Variants in SEPTIN9 observed in about 807,000 individuals in gnomAD.
SEPTIN9 encodes the protein septin-9.
Under a neutral mutation model 56.6 loss-of-function variants are expected in SEPTIN9, and 13 were observed. That is an observed-to-expected ratio of 0.23 (90% CI 0.15 to 0.37). The LOEUF is 0.37. SEPTIN9 is among the 10% of genes least tolerant of loss of function. SEPTIN9 has a pLI of 1.00. For missense variants in SEPTIN9, 650 were observed against 823.1 expected (o/e 0.79, Z 2.57); for synonymous variants, 332 against 334.1 (o/e 0.99, Z 0.07).
intron 2 of SEPTIN9, among the ~76,000 whole-genome samples, chr17:77,334,299 G>C (rs1036167377): frequency 6.6e-6 from 1 of 151,962 alleles, no homozygotes; most frequent in Non-Finnish European, 1.5e-5. Context: ...GCGGGCGCCT[G>C]TAGTCCCAGA....
In SEPTIN9 at chr17:77,402,286, G is replaced by A; in HGVS notation, c.304G>A (p.Glu102Lys). The A allele has an allele frequency of 6.2e-7, 1 of 1,612,372 alleles. No homozygotes were observed. The highest frequency in any genetic ancestry group is 8.5e-7 in the Non-Finnish European group (1 of 1,179,748). Residue 102 changes from glutamate (E) to lysine (K), a missense_variant, in exon 3 of 12, where the codon GAG (glutamate) becomes AAG (lysine). This residue lies in a region of SEPTIN9 where 317 missense variants were observed against 329.1 expected (regional missense o/e 0.96). Transcript: ENST00000427177. The surrounding 1 kb of genome is among the most constrained non-coding windows in gnomAD (Gnocchi z 6.6). ...RVELSGPKAA[E>K]PVSRRTELSI... is the part of the protein sequence containing the mutation. ...GGAGCTCTCGGGCCCCAAGGCGGCC[G>A]AGCCGGTGTCCCGGCGCACTGAGCT...
chr17:77,281,810 C>T (rs1166926156), intron 1 of SEPTIN9: 12 of 492,856 alleles, frequency 2.4e-5, no homozygotes, highest in Non-Finnish European at 3.6e-5. Flanking sequence ...CCCTCTTCCT[C>T]GCCCCTTGCA....
chr17:77,287,722 T>C lies in SEPTIN9; in HGVS notation c.19+6168T>C, dbSNP rs566836540. 6.6e-5 allele frequency among the ~76,000 whole-genome samples: 10 copies of C among 152,296 alleles called. No homozygotes were observed. The South Asian group carries it at 2.1e-3, about 32-fold the overall frequency. On this transcript the variant is annotated intron_variant, in intron 1 of 11. Transcript: ENST00000427177. ...CTGTTGCTGGCAGAGGAGGGGCGGC[T>C]CCTGGGCACTGCTTGCCAATGGCCT...
At chr17:77,477,332 A>G (rs1159796298) in intron 3 of SEPTIN9, among the ~76,000 whole-genome samples, 3 of 152,164 alleles carry the variant, frequency 2.0e-5, no homozygotes, top group South Asian at 2.1e-4. Flanking sequence ...GCCCCTGGAA[A>G]TCACCAATCT....
At chr17:77,311,137 G>A (rs915110849) in intron 2 of SEPTIN9, among the ~76,000 whole-genome samples, 6 of 152,086 alleles carry the variant, frequency 3.9e-5, no homozygotes, top group East Asian at 1.9e-4. Context: ...CAGACACACC[G>A]GGGAGAGCCA....
At chr17:77,490,977 A>G in intron 8 of SEPTIN9, 118 bp downstream of exon 8, 1 of 825,964 alleles carries the variant, frequency 1.2e-6, no homozygotes, top group South Asian at 1.5e-5. Context: ...ACCGCTGGTC[A>G]CTCTCCCCAG....
intron 3 of SEPTIN9, among the ~76,000 whole-genome samples, chr17:77,403,818 G>T (rs541222538): frequency 1.3e-5 from 2 of 152,174 alleles, no homozygotes; most frequent in Admixed American, 6.5e-5. Flanking sequence ...TGCAGTGTAC[G>T]TTTCAGCGGC....
In SEPTIN9 at chr17:77,445,005, A is replaced by T. The variant is rs1341090580; in HGVS notation, c.722-37139A>T. The T allele has an allele frequency of 5.4e-6, 2 of 371,630 alleles. No individual in the cohort carries two copies. The highest frequency in any genetic ancestry group is 4.3e-5 in the African/African-American group (2 of 46,760). The allele number at this position is 371,630 out of a possible 1,614,324, so 23.0% of individuals were successfully genotyped here. ...CAAGTGAGAAGAAACCAGAAGAGGA[A>T]CATGTCACCCAAATGTGCTGAAACA... is the stretch of plus-strand genomic sequence containing the variant. On this transcript the variant is annotated intron_variant, in intron 3 of 11. Transcript: ENST00000427177. This position sits in a 1 kb window ranked among gnomAD's most constrained non-coding sequence, Gnocchi z 4.7.
In SEPTIN9 at chr17:77,330,684, T is replaced by A. The variant is rs1447396596; in HGVS notation, c.76+23487T>A. Among the ~76,000 whole-genome samples, 1 of 152,236 alleles carries A rather than the reference T, an allele frequency of 6.6e-6. No individual in the cohort carries two copies. The highest frequency in any genetic ancestry group is 1.5e-5 in the Non-Finnish European group (1 of 68,034). On this transcript the variant is annotated intron_variant, in intron 2 of 11. Coordinates refer to ENST00000427177, the MANE Select transcript of SEPTIN9 (RefSeq NM_001113491.2). This position sits in a 1 kb window ranked among gnomAD's most constrained non-coding sequence, Gnocchi z 4.4. ...TAAAGCCTGCTGTCAGGAGCCTCGC[T>A]TGCCTCTCAGAGAGCACATGGCTTG... is the stretch of plus-strand genomic sequence containing the variant.
chr17:77,396,040 G>A (rs1454461673), intron 2 of SEPTIN9, among the ~76,000 whole-genome samples: 4 of 152,284 alleles, frequency 2.6e-5, no homozygotes, highest in Admixed American at 2.0e-4. Context: ...AGGGACCCAG[G>A]GAGGCTTTTG....
At chr17:77,411,796 T>A (rs1344849023) in intron 3 of SEPTIN9, among the ~76,000 whole-genome samples, 1 of 152,192 alleles carries the variant, frequency 6.6e-6, no homozygotes, top group East Asian at 1.9e-4. Context: ...GACTGAAGGA[T>A]GAGCTCTTAG....
chr17:77,499,353 C>T lies in SEPTIN9; in HGVS notation c.*695C>T. Reference sequence around the variant, plus strand: ...GGACAGGCTGGAATGAGGGAGGCGTCTTCATCTCCCTGCCATCCCCCTCTC... The same window carrying T: ...GGACAGGCTGGAATGAGGGAGGCGTTTTCATCTCCCTGCCATCCCCCTCTC... On this transcript the variant is annotated 3_prime_UTR_variant, in exon 12 of 12. Coordinates refer to ENST00000427177, the MANE Select transcript of SEPTIN9 (RefSeq NM_001113491.2). The T allele has an allele frequency of 1.7e-6, 1 of 586,578 alleles. No homozygotes were observed. The highest frequency in any genetic ancestry group is 3.3e-6 in the Non-Finnish European group (1 of 304,122). 36.3% of individuals were successfully genotyped at this position (586,578 alleles called of 1,614,324 possible).
intron 8 of SEPTIN9, among the ~76,000 whole-genome samples, chr17:77,491,359 G>A (rs888361962): frequency 6.6e-6 from 1 of 151,986 alleles, no homozygotes; most frequent in Non-Finnish European, 1.5e-5. Context: ...CACCATGTCT[G>A]GCTAATTTTT....
chr17:77,282,431 TA>T (rs1210054701), intron 1 of SEPTIN9, among the ~76,000 whole-genome samples: 1 of 152,214 alleles, frequency 6.6e-6, no homozygotes, highest in Non-Finnish European at 1.5e-5. Flanking sequence ...GTCCCTCCTT[TA>T]ATTCATTCAG....
rs1338092044 is a variant in SEPTIN9, at chr17:77,327,089, A to G, written c.76+19892A>G. On this transcript the variant is annotated intron_variant, in intron 2 of 11. Coordinates refer to ENST00000427177, the MANE Select transcript of SEPTIN9 (RefSeq NM_001113491.2). This position sits in a 1 kb window ranked among gnomAD's most constrained non-coding sequence, Gnocchi z 5.0. Reference sequence around the variant, plus strand: ...ACATGTGTAAAAGAAAAAAAAAAGAATAAACCATAGCTGCTGTAGCAAGTT... The same window carrying G: ...ACATGTGTAAAAGAAAAAAAAAAGAGTAAACCATAGCTGCTGTAGCAAGTT... Among the ~76,000 whole-genome samples, 2 of 152,100 alleles carry G rather than the reference A, an allele frequency of 1.3e-5. No individual in the cohort carries two copies. Among genetic ancestry groups the G allele is most frequent in the Non-Finnish European group, 1.5e-5 (1 of 68,012 alleles).
intron 3 of SEPTIN9, chr17:77,466,662 A>C (rs1252230686): frequency 2.4e-6 from 2 of 845,662 alleles, no homozygotes; most frequent in East Asian, 2.4e-4. Flanking sequence ...GGGTCGGGGC[A>C]GTGTGGGAGA....
At position 77,481,933 on chromosome 17, in the gene SEPTIN9, C is replaced by T. The variant is rs541281791; in HGVS notation, c.722-211C>T. On this transcript the variant is annotated intron_variant, in intron 3 of 11. Coordinates refer to ENST00000427177, the MANE Select transcript of SEPTIN9 (RefSeq NM_001113491.2). Reference sequence around the variant, plus strand: ...GGATGGAGCTTTGCTGGGGAGGCAGCGTGGCTGCAGGATGGCAGCTTTTTA... The same window carrying T: ...GGATGGAGCTTTGCTGGGGAGGCAGTGTGGCTGCAGGATGGCAGCTTTTTA... The T allele has an allele frequency of 7.2e-4, 428 of 591,152 alleles. 5 individuals carry two copies. Among genetic ancestry groups the T allele is most frequent in the African/African-American group, 7.0e-3 (374 of 53,798 alleles). 36.6% of individuals were successfully genotyped at this position (591,152 alleles called of 1,614,324 possible).
intron 2 of SEPTIN9, chr17:77,374,387 T>TGACTGCCAAGAG: frequency 6.6e-6 from 1 of 152,526 alleles, no homozygotes; most frequent in East Asian, 1.9e-4. Context: ...TGCGTCCTCT[T>TGACTGCCAAGAG]GACTGCCGGT....
At chr17:77,407,282 CAAAAAAAAA>C (rs58585658) in intron 3 of SEPTIN9, among the ~76,000 whole-genome samples, 1 of 44,596 alleles carries the variant, frequency 2.2e-5, no homozygotes, top group African/African-American at 7.2e-5. Context: ...GACCCTGTCT[CAAAAAAAAA>C]AAAAAAAAAA....
Sources: gnomAD v4.1 joint callset for allele counts (sites outside exome capture counted in the v4.1 genomes callset) on GRCh38, gnomAD v4.1.1 for gene constraint, gnomAD v4.1.1 regional missense constraint, Gnocchi (gnomAD v3.1) non-coding constraint, MANE v1.5 for transcripts, NCBI Gene and HGNC (gene_info 2026-07-23, HGNC 2026-07-21) for gene names.